Variants in POLE observed in about 807,000 individuals in gnomAD.
POLE encodes the protein DNA polymerase epsilon catalytic subunit A.
A neutral mutation model predicts 279.2 loss-of-function variants in POLE; 188 were observed. The observed-to-expected ratio is 0.67, with a 90% confidence interval of 0.60 to 0.76. The LOEUF is 0.76. POLE is among the 30% of genes least tolerant of loss of function. The pLI is 0.00. For missense variants in POLE, 2,703 were observed against 3,016.7 expected (o/e 0.90, Z 2.44); for synonymous variants, 1,214 against 1,172.5 (o/e 1.04, Z -0.72).
In POLE at chr12:132,679,607, G is replaced by A. The variant is rs763594160; in HGVS notation, c.468C>T (p.Ser156=). The change falls in exon 6 of 49, where the codon TCC becomes TCT. Residue 156 remains serine (S), a synonymous_variant. Transcript: ENST00000320574. ...TGACAAGATCCTCCACAGTGTGGAA[G>A]GACAGCCTGATGTAATTTCGCTTCA... ...VGLKRNYIRL[S]FHTVEDLVKV... is the part of the protein sequence containing the mutation. 6.2e-7 allele frequency: 1 copy of A among 1,613,538 alleles called. No individual in the cohort carries two copies.
rs1340647788 is a variant in POLE at position 132,668,616 on chromosome 12, C to T, written c.2026+19G>A. ...CACCCGTTTCCCACCGAGTGCCCACCCAGGCGGCCGACACTCACTGAACTC... is the reference window on the plus strand; with the variant it reads ...CACCCGTTTCCCACCGAGTGCCCACTCAGGCGGCCGACACTCACTGAACTC... On this transcript the variant is annotated intron_variant, in intron 18 of 48. Transcript: ENST00000320574. This position sits in a 1 kb window ranked among gnomAD's most constrained non-coding sequence, Gnocchi z 4.0. The T allele has an allele frequency of 6.2e-7, 1 of 1,602,864 alleles. No homozygotes were observed.
intron 32 of POLE, among the ~76,000 whole-genome samples, chr12:132,645,772 A>G (rs1446958388): frequency 6.7e-6 from 1 of 148,524 alleles, no homozygotes; most frequent in African/African-American, 2.5e-5. Flanking sequence ...TTCCAGTAAC[A>G]TGAAATTAGA....
intron 32 of POLE, 175 bp downstream of exon 32, chr12:132,648,754 G>A (rs1380681292): frequency 1.1e-5 from 7 of 642,140 alleles, no homozygotes; most frequent in African/African-American, 1.8e-5. Flanking sequence ...CTCCATTCCC[G>A]GCACTCGCTC....
intron 43 of POLE, chr12:132,633,878 C>T (rs1565928133): frequency 2.5e-5 from 7 of 281,260 alleles, no homozygotes; most frequent in Admixed American, 5.0e-5. Context: ...ACTGAGTTAC[C>T]GAATCAGATG....
At chr12:132,645,660 A>G (rs763666056) in intron 32 of POLE, among the ~76,000 whole-genome samples, 3 of 152,224 alleles carry the variant, frequency 2.0e-5, no homozygotes, top group Non-Finnish European at 4.4e-5. Flanking sequence ...AGTCTCAAAT[A>G]TGTAAAATGT....
Position 132,657,883 on chromosome 12 carries a change from G to A in POLE, c.3363C>T (p.Asp1121=), listed in dbSNP as rs1057522030. The change falls in exon 27 of 49, where the codon GAC becomes GAT. Residue 1121 remains aspartate, a synonymous_variant. Coordinates refer to ENST00000320574, the MANE Select transcript of POLE (RefSeq NM_006231.4). The part of the protein sequence containing the change: ...RKWLKSSSLQ[D]FDIRAILDWD... The stretch of plus-strand genomic sequence containing the variant: ...TGGCACTCACTGCTCGAATATCAAA[G>A]TCTTGAAGGGAAGAGCTCTTGAGCC... 3 of 1,612,822 alleles carry A rather than the reference G, an allele frequency of 1.9e-6. No homozygotes were observed. Among genetic ancestry groups the A allele is most frequent in the Non-Finnish European group, 1.7e-6 (2 of 1,178,742 alleles).
At chr12:132,628,837 AAT>A (rs1372522632) in intron 45 of POLE, among the ~76,000 whole-genome samples, 3 of 152,178 alleles carry the variant, frequency 2.0e-5, no homozygotes, top group African/African-American at 4.8e-5. Context: ...CGCCTCCCAC[AAT>A]AGTCTTGAAT....
At chr12:132,645,407 C>T (rs1230348676) in intron 32 of POLE, among the ~76,000 whole-genome samples, 1 of 151,190 alleles carries the variant, frequency 6.6e-6, no homozygotes, top group Admixed American at 6.6e-5. Flanking sequence ...TGGGGGAATC[C>T]TGGAGAGGAG....
At chr12:132,625,115 G>A (rs1168589039) in intron 47 of POLE, 121 bp from the exon 48 acceptor site, 2 of 745,766 alleles carry the variant, frequency 2.7e-6, no homozygotes, top group African/African-American at 1.7e-5. Context: ...AGCCCCTGCT[G>A]TGTGCAGCCA....
At chr12:132,667,375 T>G in intron 20 of POLE, 128 bp downstream of exon 20, 1 of 960,674 alleles carries the variant, frequency 1.0e-6, no homozygotes, top group South Asian at 1.5e-5. Context: ...CAAAAACAAT[T>G]GCACGTTACC....
At position 132,663,679 on chromosome 12, in the gene POLE, C is replaced by G. The variant is rs566915576; in HGVS notation, c.2706+325G>C. ...AGGTTTCTTAGTTTTGACAAGCGCA[C>G]CATGGTTTATGCGAGGTCAGCATTA... On this transcript the variant is annotated intron_variant, in intron 23 of 48. Coordinates refer to ENST00000320574, the MANE Select transcript of POLE (RefSeq NM_006231.4). 1.3e-5 allele frequency among the ~76,000 whole-genome samples: 2 copies of G among 152,238 alleles called. 1 individual carries two copies. Among genetic ancestry groups the G allele is most frequent in the African/African-American group, 4.8e-5 (2 of 41,508 alleles).
At chr12:132,669,224 G>A (rs1344672816) in intron 16 of POLE, among the ~76,000 whole-genome samples, 4 of 152,114 alleles carry the variant, frequency 2.6e-5, no homozygotes, top group Admixed American at 1.3e-4. Context: ...TAGCACTTTC[G>A]GAGACCGAGG....
rs527311638 is a variant in POLE, at chr12:132,672,335, T to C, written c.1687-13A>G. 7 of 1,605,570 alleles carry C rather than the reference T, an allele frequency of 4.4e-6. No individual in the cohort carries two copies. The East Asian group carries it at 8.9e-5, about 20-fold the overall frequency. ...AGGCGGCAGGATTCTAGCACAACAG[T>C]GAGACGACGGGGTCAGAGGGGAAAC... On this transcript the variant is annotated splice_polypyrimidine_tract_variant and intron_variant, in intron 15 of 48. Coordinates refer to ENST00000320574, the MANE Select transcript of POLE (RefSeq NM_006231.4).
At chr12:132,676,820 C>G (rs1384338251) in intron 8 of POLE, among the ~76,000 whole-genome samples, 167 bp from the exon 9 acceptor site, 2 of 152,090 alleles carry the variant, frequency 1.3e-5, no homozygotes, top group Admixed American at 6.6e-5. Flanking sequence ...AAGAGTATCA[C>G]GACTCCCTAT....
intron 29 of POLE, among the ~76,000 whole-genome samples, chr12:132,652,307 T>C (rs951136485): frequency 2.1e-5 from 3 of 146,254 alleles, no homozygotes; most frequent in African/African-American, 5.1e-5. Flanking sequence ...CCAAAGATTG[T>C]AGTTTCCTTT....
intron 32 of POLE, among the ~76,000 whole-genome samples, chr12:132,647,067 A>G (rs531723545): frequency 7.2e-5 from 11 of 152,260 alleles, no homozygotes; most frequent in African/African-American, 2.2e-4. Context: ...TTACTTAGTC[A>G]TTTCACTTAA....
rs953916605 is a variant in POLE at position 132,664,541 on chromosome 12, G to A, written c.2469-79C>T. 1 of 1,051,144 alleles carries A rather than the reference G, an allele frequency of 9.5e-7. No individual in the cohort carries two copies. Among genetic ancestry groups the A allele is most frequent in the African/African-American group, 1.6e-5 (1 of 64,076 alleles). 65.1% of individuals were successfully genotyped at this position (1,051,144 alleles called of 1,614,324 possible). On this transcript the variant is annotated intron_variant, in intron 21 of 48. Coordinates refer to ENST00000320574, the MANE Select transcript of POLE (RefSeq NM_006231.4). The surrounding 1 kb of genome is among the most constrained non-coding windows in gnomAD (Gnocchi z 5.3). The stretch of plus-strand genomic sequence containing the variant: ...TATCAGAGGCAGTGAGGAGTAGGGA[G>A]GAGGAAAGGAGAGATGCGACAGGGA...
At chr12:132,631,026 A>G (rs1032864823) in intron 45 of POLE, among the ~76,000 whole-genome samples, 2 of 152,242 alleles carry the variant, frequency 1.3e-5, no homozygotes, top group Non-Finnish European at 2.9e-5. Context: ...CAGCTTTGTT[A>G]TTAATCACCC....
At chr12:132,636,055 A>G (rs1593715747) in intron 41 of POLE, 31 bp from the exon 42 acceptor site, 1 of 1,599,666 alleles carries the variant, frequency 6.3e-7, no homozygotes, top group East Asian at 2.2e-5. Context: ...ACGCTGCTTC[A>G]GTGAAATCGA....
Sources: gnomAD v4.1 joint callset for allele counts (sites outside exome capture counted in the v4.1 genomes callset) on GRCh38, gnomAD v4.1.1 for gene constraint, Gnocchi (gnomAD v3.1) non-coding constraint, MANE v1.5 for transcripts, NCBI Gene and HGNC (gene_info 2026-07-23, HGNC 2026-07-21) for gene names.